Variants in CCSER1 observed in about 807,000 individuals in gnomAD.
CCSER1 encodes the protein coiled-coil serine rich protein 1.
Under a neutral mutation model 82.0 loss-of-function variants are expected in CCSER1, and 41 were observed. That is an observed-to-expected ratio of 0.50 (90% CI 0.39 to 0.65). CCSER1 has a LOEUF of 0.65. Among genes scored for constraint, CCSER1 ranks in the 30% least tolerant of loss-of-function variants. The probability of loss-of-function intolerance (pLI) is 0.00; values close to 1 mark genes in which losing one functional copy is unlikely to be tolerated. For missense variants in CCSER1, 1,119 were observed against 1,064.2 expected, an observed-to-expected ratio of 1.05 and a Z score of -0.72; for synonymous variants, 414 against 383.9, an observed-to-expected ratio of 1.08 and a Z score of -0.92.
At chr4:90,980,303 A>C (rs1311493300) in intron 9 of CCSER1, among the ~76,000 whole-genome samples, 1 of 151,902 alleles carries the variant, frequency 6.6e-6, no homozygotes, top group East Asian at 2.0e-4. Flanking sequence ...GCTCTGAGGC[A>C]AGAGAGTGTG....
chr4:91,001,650 C>T lies in CCSER1; in HGVS notation c.2172+78203C>T, dbSNP rs56140230. ...TACCTTAAATTTATTTGAGTCCCTACGTGTTAGGTGAGTCTCTTGAGAGCA... is the reference window on the plus strand; with the variant it reads ...TACCTTAAATTTATTTGAGTCCCTATGTGTTAGGTGAGTCTCTTGAGAGCA... On this transcript the variant is annotated intron_variant, in intron 9 of 10. Coordinates refer to ENST00000509176, the MANE Select transcript of CCSER1 (RefSeq NM_001145065.2). Among the ~76,000 whole-genome samples, 22 of 152,174 alleles carry T rather than the reference C, an allele frequency of 1.4e-4. No homozygotes were observed. The Middle Eastern group carries it at 0.014, about 94-fold the overall frequency.
At chr4:90,961,215 A>G (rs542975788) in intron 9 of CCSER1, among the ~76,000 whole-genome samples, 12 of 152,246 alleles carry the variant, frequency 7.9e-5, no homozygotes, top group Non-Finnish European at 1.6e-4. Flanking sequence ...CACTTTCCCA[A>G]TAGTTACACC....
In CCSER1 at chr4:90,659,342, T is replaced by G. The variant is rs193302714; in HGVS notation, c.1932+31110T>G. 3.2e-4 allele frequency among the ~76,000 whole-genome samples: 49 copies of G among 152,290 alleles called. 1 individual carries two copies. The East Asian group carries it at 8.5e-3, about 26-fold the overall frequency. ...TAGGCTCTTTGAATATGAATTATAC[T>G]TCTAGCACCTAGCAGTTTGGTAACC... is the stretch of plus-strand genomic sequence containing the variant. On this transcript the variant is annotated intron_variant, in intron 6 of 10. Coordinates refer to ENST00000509176, the MANE Select transcript of CCSER1 (RefSeq NM_001145065.2).
chr4:90,447,249 A>G (rs952307146), intron 4 of CCSER1, among the ~76,000 whole-genome samples: 2 of 152,174 alleles, frequency 1.3e-5, no homozygotes, highest in African/African-American at 2.4e-5. Flanking sequence ...ATTATATTCA[A>G]CTAAATAGTG....
intron 10 of CCSER1, chr4:91,325,180 A>C (rs1330994621): frequency 4.4e-6 from 2 of 456,134 alleles, no homozygotes; most frequent in Non-Finnish European, 8.8e-6. Flanking sequence ...TTCTTGTTTC[A>C]CCAGCATAGT....
rs921079432 is a variant in CCSER1, at chr4:90,537,234, A to T, written c.1724+68880A>T. On this transcript the variant is annotated intron_variant, in intron 5 of 10. Transcript: ENST00000509176. The stretch of plus-strand genomic sequence containing the variant: ...GCATTGTTTTATTTTTCTTACATCA[A>T]GTTAATATTTTATAATTTAAATACT... 5.3e-5 allele frequency among the ~76,000 whole-genome samples: 8 copies of T among 152,208 alleles called. No homozygotes were observed. The East Asian group carries it at 1.5e-3, about 29-fold the overall frequency.
chr4:91,159,406 C>A (rs778829688), intron 10 of CCSER1, among the ~76,000 whole-genome samples: 1 of 151,462 alleles, frequency 6.6e-6, no homozygotes, highest in African/African-American at 2.4e-5. Flanking sequence ...TAGTGTTTTC[C>A]GATAAAAATA....
At chr4:91,307,546 G>A (rs576170117) in intron 10 of CCSER1, among the ~76,000 whole-genome samples, 33 of 151,978 alleles carry the variant, frequency 2.2e-4, no homozygotes, top group African/African-American at 7.9e-4. Flanking sequence ...CATGGCTGAC[G>A]TTTTTTCAGA....
intron 9 of CCSER1, among the ~76,000 whole-genome samples, chr4:91,050,009 A>C (rs1742855660): frequency 6.6e-6 from 1 of 152,146 alleles, no homozygotes. Flanking sequence ...CTGTGAAATT[A>C]GGCTTTTATC....
At chr4:91,022,327 T>C (rs887103938) in intron 9 of CCSER1, among the ~76,000 whole-genome samples, 13 of 152,220 alleles carry the variant, frequency 8.5e-5, no homozygotes, top group South Asian at 8.3e-4. Context: ...ACAAAAGACA[T>C]GAACTCATCA....
At chr4:90,152,148 G>C (rs1726981461) in intron 1 of CCSER1, among the ~76,000 whole-genome samples, 1 of 152,158 alleles carries the variant, frequency 6.6e-6, no homozygotes, top group South Asian at 2.1e-4. Flanking sequence ...GGTGAGCACA[G>C]ACACAGTTCA....
At chr4:91,579,981 A>C (rs1173902739) in intron 10 of CCSER1, among the ~76,000 whole-genome samples, 1 of 151,844 alleles carries the variant, frequency 6.6e-6, no homozygotes, top group Non-Finnish European at 1.5e-5. Context: ...ATGTGACACA[A>C]TCATGAGGGA....
At position 91,602,144 on chromosome 4, in the gene CCSER1, G is replaced by A. The variant is rs990061657; in HGVS notation, c.*3087G>A. Among the ~76,000 whole-genome samples the A allele has an allele frequency of 2.0e-5, 3 of 151,988 alleles. No individual in the cohort carries two copies. The highest frequency in any genetic ancestry group is 7.2e-5 in the African/African-American group (3 of 41,420). On this transcript the variant is annotated 3_prime_UTR_variant, in exon 11 of 11. Transcript: ENST00000509176. The stretch of plus-strand genomic sequence containing the variant: ...ATTCAAGTTATTTTTGTTATCTAAT[G>A]ATTGACATGAAAATAAAATAGTAAG...
At chr4:91,359,149 G>A (rs141486384) in intron 10 of CCSER1, among the ~76,000 whole-genome samples, 1,972 of 149,816 alleles carry the variant, frequency 0.013, 59 homozygotes, top group Non-Finnish European at 0.021. Context: ...GAGCAAGCAG[G>A]TGGTATGTGA....
chr4:91,423,337 G>A (rs111859234), intron 10 of CCSER1, among the ~76,000 whole-genome samples: 2,731 of 151,980 alleles, frequency 0.018, 42 homozygotes, highest in Non-Finnish European at 0.027. Context: ...GACTGAGGCA[G>A]GAGAATTGCT....
At chr4:91,558,739 T>C (rs1762518323) in intron 10 of CCSER1, among the ~76,000 whole-genome samples, 1 of 151,554 alleles carries the variant, frequency 6.6e-6, no homozygotes, top group Non-Finnish European at 1.5e-5. Flanking sequence ...GTGAGACTTA[T>C]TCACTATACG....
chr4:91,427,934 A>G (rs565336316), intron 10 of CCSER1, among the ~76,000 whole-genome samples: 2 of 152,100 alleles, frequency 1.3e-5, no homozygotes, highest in South Asian at 2.1e-4. Flanking sequence ...CCAGGGATAT[A>G]GCTTTTATTT....
intron 1 of CCSER1, among the ~76,000 whole-genome samples, chr4:90,295,391 A>G (rs1474154691): frequency 5.3e-5 from 8 of 152,068 alleles, no homozygotes; most frequent in Admixed American, 5.2e-4. Flanking sequence ...TTTCTGGTTG[A>G]TAATGGAGTT....
chr4:91,210,881 A>G (rs1736761760), intron 10 of CCSER1, among the ~76,000 whole-genome samples: 1 of 151,940 alleles, frequency 6.6e-6, no homozygotes, highest in African/African-American at 2.4e-5. Flanking sequence ...GTAGTTACAT[A>G]GGATAATGTC....
Sources: gnomAD v4.1 joint callset for allele counts (sites outside exome capture counted in the v4.1 genomes callset) on GRCh38, gnomAD v4.1.1 for gene constraint, MANE v1.5 for transcripts, NCBI Gene and HGNC (gene_info 2026-07-23, HGNC 2026-07-21) for gene names.